Variants in EIF4B observed in about 807,000 individuals in gnomAD.
The protein encoded by EIF4B is eukaryotic translation initiation factor 4B.
A neutral mutation model predicts 79.3 loss-of-function variants in EIF4B; 8 were observed. The observed-to-expected ratio is 0.10, with a 90% CI of 0.06 to 0.18. The LOEUF is 0.18. Ranked by LOEUF, EIF4B falls within the 10% of genes least tolerant of loss-of-function variation. The pLI, the probability that EIF4B is intolerant of heterozygous loss-of-function variation, is 1.00. For missense variants in EIF4B, 515 were observed against 792.4 expected (o/e 0.65, Z 4.20); for synonymous variants, 238 against 274.7 (o/e 0.87, Z 1.32).
intron 9 of EIF4B, 68 bp downstream of exon 9, chr12:53,034,102 G>C: frequency 6.9e-7 from 1 of 1,442,232 alleles, no homozygotes; most frequent in South Asian, 1.3e-5. Flanking sequence ...TACATCCCCA[G>C]GGGCATTTGG....
intron 11 of EIF4B, 32 bp downstream of exon 11, chr12:53,037,654 C>T (rs1943562077): frequency 1.2e-6 from 2 of 1,607,376 alleles, no homozygotes; most frequent in African/African-American, 2.7e-5. Context: ...AGTTGGTTAA[C>T]TGCAGATTCT....
Position 53,033,532 on chromosome 12 carries a change from G to A in EIF4B, c.980-274G>A, listed in dbSNP as rs576982859. On this transcript the variant is annotated intron_variant, in intron 8 of 14. Coordinates refer to ENST00000262056, the MANE Select transcript of EIF4B (RefSeq NM_001417.7). ...TAATTTTTGTATTTTTAGTAGAGAC[G>A]GGGTTTCACCATGTTGTCCAGGATA... Among the ~76,000 whole-genome samples, 27 of 151,088 alleles carry A rather than the reference G, an allele frequency of 1.8e-4. No individual in the cohort carries two copies. In the East Asian group the frequency reaches 2.5e-3, roughly 14 times the overall value.
intron 3 of EIF4B, 44 bp from the exon 4 acceptor site, chr12:53,019,866 A>G (rs1238240354): frequency 1.3e-5 from 20 of 1,579,878 alleles, no homozygotes; most frequent in Non-Finnish European, 1.6e-5. Flanking sequence ...TGACAAATGA[A>G]GAAGAATGCT....
intron 3 of EIF4B, among the ~76,000 whole-genome samples, chr12:53,019,430 TA>T (rs1565586131): frequency 2.8e-4 from 17 of 61,292 alleles, no homozygotes; most frequent in Non-Finnish European, 4.9e-4. Context: ...AAATTATATA[TA>T]TATATATTTT....
intron 8 of EIF4B, among the ~76,000 whole-genome samples, chr12:53,032,675 T>G (rs1397355827): frequency 2.0e-5 from 3 of 151,450 alleles, no homozygotes; most frequent in Non-Finnish European, 2.9e-5. Context: ...TTTTGTTTTT[T>G]TTTTTTTTTG....
chr12:53,021,640 T>G, intron 4 of EIF4B, 166 bp from the exon 5 acceptor site: 1 of 779,950 alleles, frequency 1.3e-6, no homozygotes. Flanking sequence ...CTTTTAAGTC[T>G]TTTAAAGGAC....
At chr12:53,025,073 A>G (rs974393693) in intron 6 of EIF4B, among the ~76,000 whole-genome samples, 1 of 152,188 alleles carries the variant, frequency 6.6e-6, no homozygotes, top group Non-Finnish European at 1.5e-5. Context: ...TAAGATGTAG[A>G]AGGAAGAAGA....
chr12:53,016,405 A>G (rs1943149211), intron 1 of EIF4B, 68 bp from the exon 2 acceptor site: 3 of 1,581,674 alleles, frequency 1.9e-6, no homozygotes, highest in African/African-American at 2.7e-5. Flanking sequence ...GTTTTACAAT[A>G]TTGCATTGTA....
Position 53,034,028 on chromosome 12 carries a change from G to A in EIF4B, c.1202G>A (p.Arg401Gln), listed in dbSNP as rs774474668. The A allele has an allele frequency of 2.9e-5, 46 of 1,609,324 alleles. No homozygotes were observed. The highest frequency in any genetic ancestry group is 1.5e-4 in the South Asian group (14 of 90,330). Residue 401 changes from arginine to glutamine, a missense_variant, in exon 9 of 15, where the codon CGG becomes CAG. Transcript: ENST00000262056. Reference sequence around the variant, plus strand: ...GAGCCAAAACTAGAACGACGGCCTCGGGAGAGGTGTGTTGTCTTGATGGAT... The same window carrying A: ...GAGCCAAAACTAGAACGACGGCCTCAGGAGAGGTGTGTTGTCTTGATGGAT... Reference protein sequence around the residue: ...LDEPKLERRPRERHPSWRSEE... With the variant: ...LDEPKLERRPQERHPSWRSEE...
In EIF4B at chr12:53,016,379, T is replaced by C. The variant is rs757598451; in HGVS notation, c.14-94T>C. The C allele has an allele frequency of 1.7e-4, 259 of 1,521,470 alleles. 2 individuals are homozygous for C. Among genetic ancestry groups the C allele is most frequent in the Non-Finnish European group, 3.1e-5 (35 of 1,121,918 alleles). The allele number at this position is 1,521,470 out of a possible 1,614,324, so 94.2% of individuals were successfully genotyped here. On this transcript the variant is annotated intron_variant, in intron 1 of 14. Coordinates refer to ENST00000262056, the MANE Select transcript of EIF4B (RefSeq NM_001417.7). ...AACCATTTGAGGAGCGTCCATGTTA[T>C]TTCTTTCTAAATAATGTTTTACAAT...
chr12:53,021,639 C>A (rs1943248233), intron 4 of EIF4B, 167 bp from the exon 5 acceptor site: 18 of 769,676 alleles, frequency 2.3e-5, no homozygotes, highest in Middle Eastern at 4.5e-4. Flanking sequence ...ACTTTTAAGT[C>A]TTTTAAAGGA....
chr12:53,034,938 T>G (rs1007488982), intron 10 of EIF4B, among the ~76,000 whole-genome samples: 13 of 149,576 alleles, frequency 8.7e-5, no homozygotes, highest in Non-Finnish European at 1.0e-4. Flanking sequence ...TATACTTGGT[T>G]GTTAGGTTTG....
Position 53,016,604 on chromosome 12 carries a change from G to C in EIF4B, c.145G>C (p.Gly49Arg). 1 of 1,580,206 alleles carries C rather than the reference G, an allele frequency of 6.3e-7. No homozygotes were observed. Among genetic ancestry groups the C allele is most frequent in the Non-Finnish European group, 8.6e-7 (1 of 1,166,774 alleles). ...GGCTGATGAAACGGATGACCTGGAA[G>C]GAGATGGTAACTTTTCTTTTGTCAT... ...SWADETDDLE[G>R]DVSTTWHSND... The change falls in exon 2 of 15, where the codon GGA becomes CGA. Residue 49 changes from glycine (G) to arginine (R), a missense_variant. Transcript: ENST00000262056.
chr12:53,018,748 G>A (rs1438390390), intron 2 of EIF4B, 50 bp from the exon 3 acceptor site: 1 of 1,596,686 alleles, frequency 6.3e-7, no homozygotes, highest in African/African-American at 1.3e-5. Flanking sequence ...TTCTATGACA[G>A]TAGTGAGAGA....
chr12:53,021,620 ATTTG>A (rs1455124880), intron 4 of EIF4B, 182 bp from the exon 5 acceptor site: 3 of 702,000 alleles, frequency 4.3e-6, no homozygotes, highest in East Asian at 2.7e-5. Flanking sequence ...GCCAGCTTAA[ATTTG>A]TTTAACTTTT....
At chr12:53,007,643 T>C (rs1269054373) in intron 1 of EIF4B, among the ~76,000 whole-genome samples, 1 of 152,104 alleles carries the variant, frequency 6.6e-6, no homozygotes, top group Admixed American at 6.6e-5. Flanking sequence ...ATATAGTTTG[T>C]TTTCTCTGGC....
intron 1 of EIF4B, among the ~76,000 whole-genome samples, chr12:53,015,823 A>C (rs1378415770): frequency 6.6e-6 from 1 of 151,820 alleles, no homozygotes; most frequent in Non-Finnish European, 1.5e-5. Flanking sequence ...CTAAAAACAC[A>C]AAAAATTAGC....
At chr12:53,020,268 C>T (rs1461310881) in intron 4 of EIF4B, among the ~76,000 whole-genome samples, 1 of 152,134 alleles carries the variant, frequency 6.6e-6, no homozygotes, top group Non-Finnish European at 1.5e-5. Flanking sequence ...TGGAAGAAAC[C>T]CACCACACAC....
chr12:53,018,635 G>GAAAAAAGA, intron 2 of EIF4B, 163 bp from the exon 3 acceptor site: 1 of 630,448 alleles, frequency 1.6e-6, no homozygotes. Context: ...AATCTCAGAA[G>GAAAAAAGA]CTTCTCTTCG....
Sources: gnomAD v4.1 joint callset for allele counts (sites outside exome capture counted in the v4.1 genomes callset) on GRCh38, gnomAD v4.1.1 for gene constraint, MANE v1.5 for transcripts, NCBI Gene and HGNC (gene_info 2026-07-23, HGNC 2026-07-21) for gene names.